The following KIAA0825 variants were observed in gnomAD, a reference collection of about 807,000 sequenced individuals.
KIAA0825 encodes KIAA0825.
Under a neutral mutation model 147.6 loss-of-function variants are expected in KIAA0825, and 119 were observed. The ratio of observed to expected loss-of-function variants is 0.81; its 90% CI spans 0.69 to 0.94. The LOEUF (loss-of-function observed/expected upper bound fraction) is 0.94, where lower values mean the gene tolerates loss of function less well. Among genes scored for constraint, KIAA0825 ranks in the 40% least tolerant of loss-of-function variants. The pLI is 0.00. For missense variants in KIAA0825, 1,381 were observed against 1,472.7 expected (o/e 0.94, Z 1.02); for synonymous variants, 470 against 518.1 (o/e 0.91, Z 1.26).
intron 20 of KIAA0825, among the ~76,000 whole-genome samples, chr5:94,289,821 C>T (rs1373125393): frequency 1.3e-5 from 2 of 151,670 alleles, no homozygotes; most frequent in Non-Finnish European, 2.9e-5. Context: ...AGGAAGATCA[C>T]TTGAGCCCAG....
chr5:94,196,968 C>A (rs1381322212), intron 20 of KIAA0825, among the ~76,000 whole-genome samples: 1 of 152,098 alleles, frequency 6.6e-6, no homozygotes, highest in Non-Finnish European at 1.5e-5. Flanking sequence ...ATTTATATTC[C>A]TTTGGGTATG....
intron 3 of KIAA0825, among the ~76,000 whole-genome samples, chr5:94,531,506 G>C (rs1273740615): frequency 6.6e-6 from 1 of 152,198 alleles, no homozygotes; most frequent in African/African-American, 2.4e-5. Flanking sequence ...GCCAGAAAAA[G>C]TTTAGGCTAC....
intron 20 of KIAA0825, among the ~76,000 whole-genome samples, chr5:94,343,290 G>A (rs538374971): frequency 1.3e-4 from 19 of 151,964 alleles, no homozygotes; most frequent in African/African-American, 4.1e-4. Flanking sequence ...GTAGGGAAAG[G>A]TTTATTTAAA....
chr5:94,503,732 G>A (rs1765367997), intron 5 of KIAA0825, among the ~76,000 whole-genome samples: 1 of 152,144 alleles, frequency 6.6e-6, no homozygotes, highest in Non-Finnish European at 1.5e-5. Context: ...TCTTAGAGAA[G>A]ACCAACACAA....
chr5:94,543,014 T>C (rs539462064), intron 2 of KIAA0825, among the ~76,000 whole-genome samples: 1 of 152,306 alleles, frequency 6.6e-6, no homozygotes, highest in East Asian at 1.9e-4. Context: ...ACAGTGTTTC[T>C]GTCCTGTGGT....
At chr5:94,582,997 T>C (rs1034713112) in intron 1 of KIAA0825, among the ~76,000 whole-genome samples, 17 of 152,176 alleles carry the variant, frequency 1.1e-4, no homozygotes, top group Non-Finnish European at 2.5e-4. Flanking sequence ...ATTAAAACCG[T>C]CTTTTCCCCA....
At chr5:94,385,267 C>T (rs1038011385) in intron 19 of KIAA0825, among the ~76,000 whole-genome samples, 17 of 152,130 alleles carry the variant, frequency 1.1e-4, no homozygotes, top group African/African-American at 2.2e-4. Context: ...TCCAGACTGA[C>T]GTTTAAAATC....
chr5:94,301,447 A>T (rs1778398623), intron 20 of KIAA0825, among the ~76,000 whole-genome samples: 1 of 151,952 alleles, frequency 6.6e-6, no homozygotes, highest in Non-Finnish European at 1.5e-5. Flanking sequence ...CCTAACAAAC[A>T]TTGCTGATTA....
intron 5 of KIAA0825, among the ~76,000 whole-genome samples, chr5:94,515,888 TAA>T (rs977835838): frequency 9.9e-5 from 15 of 152,136 alleles, no homozygotes; most frequent in African/African-American, 3.4e-4. Context: ...GAAAACTTTG[TAA>T]GAGTATCTGT....
intron 14 of KIAA0825, among the ~76,000 whole-genome samples, chr5:94,420,399 A>G (rs1190037585): frequency 6.6e-6 from 1 of 152,176 alleles, no homozygotes; most frequent in Non-Finnish European, 1.5e-5. Context: ...GAATTACACT[A>G]CAATCCCAAA....
rs537807885 is a variant in KIAA0825, at chr5:94,520,712, C to T, written c.506G>A (p.Arg169Gln). The change falls in exon 5 of 21, where the codon CGA becomes CAA. Residue 169 changes from arginine to glutamine, a missense_variant. Physicochemically the swap from Arg to Gln is conservative, Grantham distance 43. Transcript: ENST00000682413. Reference sequence around the variant, plus strand: ...TTGTAATTTGCTCACTAAGAAGCGTCGAAGATGCAGTCTTATATCATCCCA... The same window carrying T: ...TTGTAATTTGCTCACTAAGAAGCGTTGAAGATGCAGTCTTATATCATCCCA... Reference protein sequence around the residue: ...SMWDDIRLHLRRFLVSKLQSH... With the variant: ...SMWDDIRLHLQRFLVSKLQSH... The T allele has an allele frequency of 3.1e-4, 496 of 1,613,260 alleles. 10 individuals are homozygous for T. In the South Asian group the frequency reaches 5.3e-3, roughly 17 times the overall value.
At position 94,554,715 on chromosome 5, in the gene KIAA0825, A is replaced by AAT. The variant is rs1561307328; in HGVS notation, c.-1-17589_-1-17588insAT. Among the ~76,000 whole-genome samples the AAT allele has an allele frequency of 1.8e-3, 139 of 75,348 alleles. 1 individual carries two copies. The highest frequency in any genetic ancestry group is 6.9e-3 in the Admixed American group (41 of 5,970). The allele number at this position is 75,348 out of a possible 152,430, so 49.4% of individuals were successfully genotyped here. On this transcript the variant is annotated intron_variant, in intron 2 of 20. Transcript: ENST00000682413. ...ATATGAGCCAGGCATTGTTCTGTGT[A>AAT]CTATATATATATATATATATATATA...
chr5:94,609,073 G>A (rs1430789200), intron 1 of KIAA0825, among the ~76,000 whole-genome samples: 4 of 152,154 alleles, frequency 2.6e-5, no homozygotes, highest in Admixed American at 2.0e-4. Flanking sequence ...ATTCTACACT[G>A]CAACTAAATT....
chr5:94,485,593 T>C (rs1762960201), intron 5 of KIAA0825, among the ~76,000 whole-genome samples: 1 of 151,652 alleles, frequency 6.6e-6, no homozygotes, highest in Non-Finnish European at 1.5e-5. Flanking sequence ...GTCTGCGGAC[T>C]ATTTTCAGTT....
chr5:94,271,245 C>T (rs1776967756), intron 20 of KIAA0825, among the ~76,000 whole-genome samples: 2 of 151,944 alleles, frequency 1.3e-5, no homozygotes, highest in African/African-American at 2.4e-5. Context: ...GCACAGTCAA[C>T]CAAAGAAAAA....
At chr5:94,419,538 G>C (rs1471850938) in intron 14 of KIAA0825, among the ~76,000 whole-genome samples, 2 of 152,062 alleles carry the variant, frequency 1.3e-5, no homozygotes, top group Admixed American at 1.3e-4. Context: ...TTGTAAATGT[G>C]CCCTCCCATC....
intron 20 of KIAA0825, among the ~76,000 whole-genome samples, chr5:94,345,646 A>T (rs1782894745): frequency 1.3e-5 from 2 of 152,196 alleles, no homozygotes; most frequent in African/African-American, 4.8e-5. Flanking sequence ...GAATAACAAA[A>T]GCTCTAAACA....
In KIAA0825 at chr5:94,434,964, A is replaced by G. The variant is rs375940335; in HGVS notation, c.2497+5018T>C. 2.0e-3 allele frequency among the ~76,000 whole-genome samples: 308 copies of G among 152,274 alleles called. 4 individuals carry two copies. Among genetic ancestry groups the G allele is most frequent in the African/African-American group, 7.0e-3 (292 of 41,554 alleles). On this transcript the variant is annotated intron_variant, in intron 14 of 20. Transcript: ENST00000682413. The stretch of plus-strand genomic sequence containing the variant: ...AGTTGTTTATCAAGAAAAACTCTGT[A>G]CCTAACAGTATTCAACAATTATTTA...
chr5:94,261,884 A>AT (rs1228129110), intron 20 of KIAA0825, among the ~76,000 whole-genome samples: 1 of 151,984 alleles, frequency 6.6e-6, no homozygotes, highest in Non-Finnish European at 1.5e-5. Flanking sequence ...TCCTGGTTGG[A>AT]TTTTTTCCTT....
Sources: gnomAD v4.1 joint callset for allele counts (sites outside exome capture counted in the v4.1 genomes callset) on GRCh38, gnomAD v4.1.1 for gene constraint, MANE v1.5 for transcripts, NCBI Gene and HGNC (gene_info 2026-07-23, HGNC 2026-07-21) for gene names.